The following MACROD2 variants were observed in gnomAD, a reference collection of about 807,000 sequenced individuals.
The protein encoded by MACROD2 is ADP-ribose glycohydrolase MACROD2.
A neutral mutation model predicts 70.4 loss-of-function variants in MACROD2; 36 were observed. That is an observed-to-expected ratio of 0.51 (90% confidence interval 0.39 to 0.68). The LOEUF (loss-of-function observed/expected upper bound fraction) is 0.68. Ranked by LOEUF, MACROD2 falls within the 30% of genes least tolerant of loss-of-function variation. The pLI, the probability that MACROD2 is intolerant of heterozygous loss-of-function variation, is 0.00. For synonymous variants in MACROD2, 172 were observed against 178.8 expected (o/e 0.96, Z 0.30); for missense variants, 496 against 538.4 (o/e 0.92, Z 0.78).
intron 5 of MACROD2, among the ~76,000 whole-genome samples, chr20:14,788,161 G>A (rs2072397847): frequency 6.6e-6 from 1 of 152,054 alleles, no homozygotes; most frequent in Non-Finnish European, 1.5e-5. Flanking sequence ...AGATTTGAAA[G>A]CATTCATAAT....
At chr20:15,868,216 C>A (rs921695473) in intron 9 of MACROD2, among the ~76,000 whole-genome samples, 7 of 152,180 alleles carry the variant, frequency 4.6e-5, no homozygotes, top group African/African-American at 1.7e-4. Context: ...AACTATCTAG[C>A]TGGATTTGGA....
intron 3 of MACROD2, among the ~76,000 whole-genome samples, chr20:14,410,088 A>G (rs1373011774): frequency 6.6e-6 from 1 of 152,170 alleles, no homozygotes; most frequent in Non-Finnish European, 1.5e-5. Context: ...GGAGATGTCC[A>G]TCAATGATTG....
In MACROD2 at chr20:15,951,306, G is replaced by GACACACACACACACAC. The variant is rs58032991; in HGVS notation, c.907+13792_907+13807dup. Among the ~76,000 whole-genome samples the GACACACACACACACAC allele has an allele frequency of 1.3e-3, 174 of 135,614 alleles. 1 individual carries two copies. The highest frequency in any genetic ancestry group is 7.8e-3 in the East Asian group (36 of 4,588). The allele number at this position is 135,614 out of a possible 152,430, so 89.0% of individuals were successfully genotyped here. On this transcript the variant is annotated intron_variant, in intron 12 of 17. Coordinates refer to ENST00000684519, the MANE Select transcript of MACROD2 (RefSeq NM_001351661.2). ...GTTCCTAGGAGGATATATTTATCTA[G>GACACACACACACACAC]ACACACACACACACACACACACACA...
At position 15,041,223 on chromosome 20, in the gene MACROD2, G is replaced by A. The variant is rs141204115; in HGVS notation, c.419-188717G>A. The stretch of plus-strand genomic sequence containing the variant: ...ATTCTATAATGCTACATCTAGAAAG[G>A]GCGTGACAAATTTTTGTTTGTAATA... On this transcript the variant is annotated intron_variant, in intron 5 of 17. Coordinates refer to ENST00000684519, the MANE Select transcript of MACROD2 (RefSeq NM_001351661.2). Among the ~76,000 whole-genome samples, 14 of 152,192 alleles carry A rather than the reference G, an allele frequency of 9.2e-5. No homozygotes were observed. The East Asian group carries it at 2.7e-3, about 29-fold the overall frequency.
chr20:15,881,759 A>G (rs1220095429), intron 9 of MACROD2, among the ~76,000 whole-genome samples: 2 of 152,140 alleles, frequency 1.3e-5, no homozygotes, highest in South Asian at 2.1e-4. Context: ...GAGAAGGGCT[A>G]TTATCATTCT....
At chr20:15,832,078 A>G (rs1568585952) in intron 8 of MACROD2, among the ~76,000 whole-genome samples, 1 of 152,142 alleles carries the variant, frequency 6.6e-6, no homozygotes, top group Non-Finnish European at 1.5e-5. Context: ...GCATGATTTG[A>G]TTTTATCCAA....
intron 4 of MACROD2, among the ~76,000 whole-genome samples, chr20:14,623,206 C>A (rs1179540248): frequency 1.3e-5 from 2 of 151,948 alleles, no homozygotes; most frequent in Non-Finnish European, 2.9e-5. Flanking sequence ...CTCAACCAAC[C>A]TTGAAGCCAT....
At chr20:14,678,455 G>T (rs958328409) in intron 4 of MACROD2, among the ~76,000 whole-genome samples, 1 of 152,066 alleles carries the variant, frequency 6.6e-6, no homozygotes, top group East Asian at 1.9e-4. Flanking sequence ...GAGCTTAGTT[G>T]TCTTTTTTCC....
At chr20:14,718,220 G>A (rs1016026535) in intron 5 of MACROD2, among the ~76,000 whole-genome samples, 1 of 149,284 alleles carries the variant, frequency 6.7e-6, no homozygotes. Flanking sequence ...TTGAATCCAG[G>A]AGGCGGAGGT....
chr20:15,672,156 CTGTGCTTA>C (rs1014071624), intron 8 of MACROD2, among the ~76,000 whole-genome samples: 10 of 152,052 alleles, frequency 6.6e-5, no homozygotes, highest in Non-Finnish European at 1.2e-4. Flanking sequence ...AGATTTTGGT[CTGTGCTTA>C]TGAATCGTCT....
At chr20:15,949,507 G>A (rs1247902809) in intron 12 of MACROD2, among the ~76,000 whole-genome samples, 1 of 152,118 alleles carries the variant, frequency 6.6e-6, no homozygotes, top group Non-Finnish European at 1.5e-5. Context: ...ACACCATAGG[G>A]CGTGCACCAG....
intron 5 of MACROD2, among the ~76,000 whole-genome samples, chr20:14,842,581 A>G (rs866289622): frequency 1.3e-5 from 2 of 152,118 alleles, no homozygotes; most frequent in African/African-American, 4.8e-5. Context: ...GGCAGATATA[A>G]TAGCTTTAAA....
intron 15 of MACROD2, among the ~76,000 whole-genome samples, chr20:16,016,203 G>C (rs1285555939): frequency 6.6e-6 from 1 of 152,100 alleles, no homozygotes; most frequent in African/African-American, 2.4e-5. Context: ...TTGATTAGAA[G>C]TAACAAGTTG....
intron 5 of MACROD2, among the ~76,000 whole-genome samples, chr20:15,036,335 G>A (rs1427010963): frequency 6.6e-6 from 1 of 152,038 alleles, no homozygotes; most frequent in Admixed American, 6.6e-5. Flanking sequence ...GACCATCTAT[G>A]TCCCTTTTGT....
chr20:16,050,010 C>A lies in MACROD2; in HGVS notation c.*134C>A. ...GACGGGGAATCCTTTACTCTAATTT[C>A]TCCAGCTGCATTTTGTTCCGTTTAT... On this transcript the variant is annotated 3_prime_UTR_variant, in exon 18 of 18. Transcript: ENST00000684519. The A allele has an allele frequency of 1.5e-6, 1 of 660,112 alleles. No individual in the cohort carries two copies. The highest frequency in any genetic ancestry group is 2.4e-6 in the Non-Finnish European group (1 of 417,678). 40.9% of individuals were successfully genotyped at this position (660,112 alleles called of 1,614,324 possible).
chr20:14,771,516 T>A (rs924468307), intron 5 of MACROD2, among the ~76,000 whole-genome samples: 17 of 152,048 alleles, frequency 1.1e-4, no homozygotes, highest in Middle Eastern at 3.4e-3. Flanking sequence ...TGTATTTTTT[T>A]CTCTTTTTGT....
intron 1 of MACROD2, among the ~76,000 whole-genome samples, chr20:14,000,816 A>C (rs1192264625): frequency 1.3e-5 from 2 of 152,210 alleles, no homozygotes; most frequent in South Asian, 4.1e-4. Flanking sequence ...TTAGTAGTCT[A>C]TAGGATAAAG....
At chr20:15,404,740 C>G (rs1435859469) in intron 6 of MACROD2, among the ~76,000 whole-genome samples, 1 of 152,208 alleles carries the variant, frequency 6.6e-6, no homozygotes, top group East Asian at 1.9e-4. Context: ...CCAGGCCTTG[C>G]TGTCCTCCTG....
At chr20:14,203,139 G>T (rs1349671232) in intron 3 of MACROD2, among the ~76,000 whole-genome samples, 1 of 151,466 alleles carries the variant, frequency 6.6e-6, no homozygotes, top group Non-Finnish European at 1.5e-5. Context: ...TTGTCTTCAA[G>T]TTCAGAAATT....
Sources: allele counts gnomAD v4.1 joint callset (sites outside exome capture counted in the v4.1 genomes callset), GRCh38; gene constraint gnomAD v4.1.1; transcripts MANE v1.5; gene names NCBI Gene and HGNC (gene_info 2026-07-23, HGNC 2026-07-21).